TTC6: variants seen among roughly 807,000 people sequenced by gnomAD.
The protein encoded by TTC6 is tetratricopeptide repeat protein 6.
Under a neutral mutation model 210.4 loss-of-function variants are expected in TTC6, and 172 were observed. The observed-to-expected ratio is 0.82, with a 90% CI of 0.72 to 0.93. TTC6 has a LOEUF of 0.93. Among genes scored for constraint, TTC6 ranks in the 40% least tolerant of loss-of-function variants. The pLI is 0.00. For synonymous variants in TTC6, 804 were observed against 819.6 expected (o/e 0.98, Z 0.32); for missense variants, 2,414 against 2,318.1 (o/e 1.04, Z -0.85).
At chr14:37,739,212 AT>A in intron 10 of TTC6, 57 bp downstream of exon 12, 8 of 1,388,220 alleles carry the variant, frequency 5.8e-6, no homozygotes, top group Non-Finnish European at 7.6e-6. Flanking sequence ...TTTGACCTTA[AT>A]TTTATAATCT....
intron 16 of TTC6, among the ~76,000 whole-genome samples, chr14:37,791,306 C>T (rs1039977862): frequency 2.0e-5 from 3 of 152,120 alleles, no homozygotes; most frequent in African/African-American, 7.2e-5. Flanking sequence ...AATAAAAACA[C>T]TAATACCATG....
intron 29 of TTC6, chr14:37,837,472 G>T: frequency 2.2e-6 from 1 of 449,614 alleles, no homozygotes; most frequent in East Asian, 7.1e-5. Flanking sequence ...TCCCAGGGAT[G>T]AGATGGATTT....
intron 7 of TTC6, among the ~76,000 whole-genome samples, chr14:37,733,634 T>C (rs1429784126): frequency 6.6e-6 from 1 of 152,190 alleles, no homozygotes; most frequent in Admixed American, 6.5e-5. Context: ...TAAACCTGGC[T>C]GGTTTTAAGT....
chr14:37,734,050 A>G (rs1365202380), intron 7 of TTC6, among the ~76,000 whole-genome samples: 1 of 152,076 alleles, frequency 6.6e-6, no homozygotes, highest in East Asian at 1.9e-4. Flanking sequence ...TTACCATTGT[A>G]TTTAAAACAT....
At position 37,798,765 on chromosome 14, in the gene TTC6, C is replaced by A. The variant is rs1365313727; in HGVS notation, c.4029+1818C>A. 5.3e-5 allele frequency among the ~76,000 whole-genome samples: 8 copies of A among 151,988 alleles called. 1 individual carries two copies. The highest frequency in any genetic ancestry group is 5.2e-4 in the Admixed American group (8 of 15,258). On this transcript the variant is annotated intron_variant, in intron 20 of 30. Transcript: ENST00000553443. ...TTAAACAAAATAAAGATTACATAAT[C>A]TTTCTATTTCCATTTTGAATTTTAT...
chr14:37,659,632 C>T (rs2095732781), intron 1 of TTC6, among the ~76,000 whole-genome samples: 1 of 152,060 alleles, frequency 6.6e-6, no homozygotes, highest in Non-Finnish European at 1.5e-5. Flanking sequence ...AGCGATTCTC[C>T]TGCCCAGCCT....
At chr14:37,752,657 C>T (rs2095955754) in intron 13 of TTC6, among the ~76,000 whole-genome samples, 1 of 151,916 alleles carries the variant, frequency 6.6e-6, no homozygotes, top group African/African-American at 2.4e-5. Flanking sequence ...AATGAATGAG[C>T]CATGCCAATA....
At chr14:37,797,065 A>G in intron 20 of TTC6, 118 bp downstream of exon 22, 4 of 990,706 alleles carry the variant, frequency 4.0e-6, no homozygotes, top group Non-Finnish European at 5.4e-6. Context: ...TTTTCTGTGA[A>G]TTAACATTTG....
At chr14:37,697,843 T>G (rs2095817643) in intron 4 of TTC6, among the ~76,000 whole-genome samples, 1 of 152,182 alleles carries the variant, frequency 6.6e-6, no homozygotes, top group South Asian at 2.1e-4. Context: ...AGAAACTTCT[T>G]GATTTTTTTT....
At chr14:37,829,068 G>C (rs2096178752) in intron 29 of TTC6, among the ~76,000 whole-genome samples, 1 of 151,810 alleles carries the variant, frequency 6.6e-6, no homozygotes, top group Non-Finnish European at 1.5e-5. Flanking sequence ...ATTCTCCTTT[G>C]TGTGATATGA....
intron 12 of TTC6, among the ~76,000 whole-genome samples, 157 bp from the exon 15 acceptor site, chr14:37,750,891 AAAAAT>A (rs1004958042): frequency 1.4e-4 from 22 of 152,176 alleles, no homozygotes; most frequent in African/African-American, 4.3e-4. Context: ...TCCTGCCTAA[AAAAAT>A]AAAATAAAAT....
At chr14:37,600,848 A>G (rs1206755129) in intron 1 of TTC6, among the ~76,000 whole-genome samples, 2 of 151,708 alleles carry the variant, frequency 1.3e-5, no homozygotes, top group African/African-American at 4.9e-5. Flanking sequence ...AAGAGCTAAC[A>G]TCAGAGGAAA....
At chr14:37,782,932 A>T (rs2096058782) in intron 14 of TTC6, among the ~76,000 whole-genome samples, 1 of 152,190 alleles carries the variant, frequency 6.6e-6, no homozygotes, top group Non-Finnish European at 1.5e-5. Flanking sequence ...GATTACATTT[A>T]TTGATTCGTG....
At chr14:37,716,886 C>T (rs1328829416) in intron 6 of TTC6, among the ~76,000 whole-genome samples, 1 of 151,746 alleles carries the variant, frequency 6.6e-6, no homozygotes, top group Non-Finnish European at 1.5e-5. Flanking sequence ...GAAACATATA[C>T]CAGGATAGAG....
intron 1 of TTC6, among the ~76,000 whole-genome samples, chr14:37,674,145 C>T (rs1216482712): frequency 1.3e-5 from 2 of 151,560 alleles, no homozygotes; most frequent in African/African-American, 4.8e-5. Flanking sequence ...GTTTTCCTGA[C>T]ATTTCCTAAG....
At chr14:37,682,629 A>T (rs1303510027) in intron 2 of TTC6, 129 bp from the exon 5 acceptor site, 1 of 758,808 alleles carries the variant, frequency 1.3e-6, no homozygotes, top group Non-Finnish European at 2.1e-6. Context: ...GAGGAAACTC[A>T]TCACCTATGC....
chr14:37,769,116 G>A (rs796293210), intron 14 of TTC6, among the ~76,000 whole-genome samples: 5,131 of 150,682 alleles, frequency 0.034, 120 homozygotes, highest in South Asian at 0.091. Context: ...ATTGATTTGC[G>A]TATATTGAAC....
At chr14:37,714,610 G>C in intron 5 of TTC6, 45 bp from the exon 8 acceptor site, 6 of 1,494,686 alleles carry the variant, frequency 4.0e-6, no homozygotes, top group Non-Finnish European at 5.4e-6. Context: ...CTTATACTTT[G>C]TCAATTACTT....
At chr14:37,676,466 C>G (rs562470230) in intron 1 of TTC6, among the ~76,000 whole-genome samples, 1 of 151,942 alleles carries the variant, frequency 6.6e-6, no homozygotes. Flanking sequence ...TAATACTAGA[C>G]CCTTGTCAGG....
Sources: gnomAD v4.1 joint callset for allele counts (sites outside exome capture counted in the v4.1 genomes callset) on GRCh38, gnomAD v4.1.1 for gene constraint, MANE v1.5 for transcripts, NCBI Gene and HGNC (gene_info 2026-07-23, HGNC 2026-07-21) for gene names.